Variants in THOC1 observed in about 807,000 individuals in gnomAD.
THOC1 encodes the protein THO complex 1.
In THOC1, 29 loss-of-function variants were observed where a neutral mutation model predicts 97.3. The observed-to-expected ratio is 0.30, with a 90% CI of 0.22 to 0.41. THOC1 has a LOEUF of 0.41. THOC1 is among the 10% of genes least tolerant of loss of function. The pLI is 1.00. For synonymous variants in THOC1, 255 were observed against 257.0 expected, an observed-to-expected ratio of 0.99 and a Z score of 0.07; for missense variants, 529 against 761.9, an observed-to-expected ratio of 0.69 and a Z score of 3.60.
intron 11 of THOC1, among the ~76,000 whole-genome samples, chr18:240,511 G>A (rs375237401): frequency 3.3e-5 from 5 of 152,206 alleles, no homozygotes; most frequent in African/African-American, 1.2e-4. Context: ...TTTCCGCCCT[G>A]AAGACCATTA....
chr18:236,408 T>C (rs1054658349), intron 11 of THOC1, among the ~76,000 whole-genome samples: 4 of 136,554 alleles, frequency 2.9e-5, no homozygotes, highest in African/African-American at 8.3e-5. Context: ...CAGGCGGGAG[T>C]GCAGTGGCGC....
chr18:227,224 T>G (rs576839828), intron 11 of THOC1, among the ~76,000 whole-genome samples: 2 of 152,246 alleles, frequency 1.3e-5, no homozygotes, highest in South Asian at 4.1e-4. Context: ...AAGCCTATTA[T>G]AGTCCCAGCT....
In THOC1 at chr18:246,384, C is replaced by T. The variant is rs140658412; in HGVS notation, c.858G>A (p.Met286Ile). The T allele has an allele frequency of 1.9e-6, 3 of 1,603,834 alleles. No individual in the cohort carries two copies. The highest frequency in any genetic ancestry group is 2.6e-6 in the Non-Finnish European group (3 of 1,172,310). ...GTTCTCCTCCTGTTTTCAATTCTTC[C>T]ATCTTTTTTCTTGAGGCCTGAGTAT... ...LDDTQASRKK[M>I]EELKTGGEHV... is the part of the protein sequence containing the mutation. Residue 286 changes from methionine (M) to isoleucine (I), a missense_variant, in exon 11 of 21, where the codon ATG (methionine) becomes ATA (isoleucine). Physicochemically the swap from Met to Ile is conservative, Grantham distance 10. Coordinates refer to ENST00000261600, the MANE Select transcript of THOC1 (RefSeq NM_005131.3).
rs533590735 is a variant in THOC1 at position 227,220 on chromosome 18, A to C, written c.919-319T>G. On this transcript the variant is annotated intron_variant, in intron 11 of 20. Coordinates refer to ENST00000261600, the MANE Select transcript of THOC1 (RefSeq NM_005131.3). ...AGCTGGGCATGGTGGCACAAAGCCT[A>C]TTATAGTCCCAGCTACTCAGGAAGC... 1.0e-3 allele frequency among the ~76,000 whole-genome samples: 153 copies of C among 152,286 alleles called. 1 individual carries two copies. The highest frequency in any genetic ancestry group is 2.5e-3 in the South Asian group (12 of 4,824).
At chr18:243,590 G>T (rs921863053) in intron 11 of THOC1, among the ~76,000 whole-genome samples, 9 of 151,852 alleles carry the variant, frequency 5.9e-5, no homozygotes, top group Non-Finnish European at 8.8e-5. Flanking sequence ...TTTTGAAATA[G>T]CTGTCATGTC....
intron 8 of THOC1, among the ~76,000 whole-genome samples, chr18:253,129 G>A (rs544997430): frequency 8.5e-5 from 13 of 152,296 alleles, no homozygotes; most frequent in African/African-American, 3.1e-4. Context: ...GTTGGGGTGA[G>A]GCTGTGGGGA....
chr18:215,860 T>C (rs1389037563), intron 19 of THOC1: 4 of 224,242 alleles, frequency 1.8e-5, no homozygotes, highest in Non-Finnish European at 3.5e-5. Context: ...CTGATTCTTA[T>C]CTTTTATCTT....
rs559936385 is a variant in THOC1 at position 247,805 on chromosome 18, C to T, written c.786+44G>A. 13 of 1,190,674 alleles carry T rather than the reference C, an allele frequency of 1.1e-5. No individual in the cohort carries two copies. In the African/African-American group the frequency reaches 2.0e-4, roughly 18 times the overall value. The allele number at this position is 1,190,674 out of a possible 1,614,324, so 73.8% of individuals were successfully genotyped here. A position where few individuals can be genotyped will look rare whatever the true frequency, so the allele number is the denominator to read the frequency against. On this transcript the variant is annotated intron_variant, in intron 10 of 20. Transcript: ENST00000261600. ...GATTAAGTTTTAGCTCTATCACTGTCTATAAAATACTGGGCTTCTGATAGT... is the reference window on the plus strand; with the variant it reads ...GATTAAGTTTTAGCTCTATCACTGTTTATAAAATACTGGGCTTCTGATAGT...
rs1358552548 is a variant in THOC1 at position 254,576 on chromosome 18, A to T, written c.521-221T>A. 6.6e-6 allele frequency among the ~76,000 whole-genome samples: 1 copy of T among 152,198 alleles called. No individual in the cohort carries two copies. The highest frequency in any genetic ancestry group is 1.5e-5 in the Non-Finnish European group (1 of 68,032). On this transcript the variant is annotated intron_variant, in intron 7 of 20. Coordinates refer to ENST00000261600, the MANE Select transcript of THOC1 (RefSeq NM_005131.3). This position sits in a 1 kb window ranked among gnomAD's most constrained non-coding sequence, Gnocchi z 4.1. The stretch of plus-strand genomic sequence containing the variant: ...GTTCTTCACAGTTTCTTGTTTTTTT[A>T]AATAAATTGAATGGCAACCCTGCAT...
At chr18:257,111 G>A (rs1912461637) in intron 7 of THOC1, among the ~76,000 whole-genome samples, 1 of 152,090 alleles carries the variant, frequency 6.6e-6, no homozygotes, top group South Asian at 2.1e-4. Flanking sequence ...TACGCACTGG[G>A]AAACCAAAAA....
chr18:218,823 A>T, intron 18 of THOC1, 63 bp downstream of exon 18: 1 of 1,399,398 alleles, frequency 7.1e-7, no homozygotes, highest in Non-Finnish European at 9.9e-7. Flanking sequence ...TAGTATACAC[A>T]CAATTCCTAA....
intron 11 of THOC1, 28 bp from the exon 12 acceptor site, chr18:226,929 G>A (rs747604635): frequency 8.5e-6 from 13 of 1,532,718 alleles, no homozygotes; most frequent in Admixed American, 3.7e-5. Flanking sequence ...AAACACATAC[G>A]AAAACAACAC....
At chr18:255,882 C>T (rs1412607365) in intron 7 of THOC1, among the ~76,000 whole-genome samples, 1 of 152,178 alleles carries the variant, frequency 6.6e-6, no homozygotes, top group East Asian at 1.9e-4. Flanking sequence ...GAGAATTATG[C>T]TAAATCTACT....
intron 9 of THOC1, among the ~76,000 whole-genome samples, chr18:251,336 A>G (rs147438772): frequency 6.6e-6 from 1 of 152,334 alleles, no homozygotes; most frequent in East Asian, 1.9e-4. Flanking sequence ...CCCTGGGCAG[A>G]TACAGGAATC....
At chr18:231,103 T>G (rs139930780) in intron 11 of THOC1, among the ~76,000 whole-genome samples, 2 of 152,280 alleles carry the variant, frequency 1.3e-5, no homozygotes, top group Non-Finnish European at 2.9e-5. Context: ...GCTTTTATTA[T>G]CCTTAGCTGT....
intron 16 of THOC1, 123 bp from the exon 17 acceptor site, chr18:223,628 T>C: frequency 1.4e-6 from 1 of 711,702 alleles, no homozygotes; most frequent in South Asian, 2.2e-5. Context: ...GTATGAGTTT[T>C]ACTTTTCTCA....
At chr18:238,928 C>G (rs1350996455) in intron 11 of THOC1, among the ~76,000 whole-genome samples, 1 of 152,002 alleles carries the variant, frequency 6.6e-6, no homozygotes, top group Non-Finnish European at 1.5e-5. Flanking sequence ...TTGATTAAAC[C>G]ACAAGGTAGA....
rs985240466 is a variant in THOC1, at chr18:254,019, T to C, written c.603+254A>G. ...TGACCTCCCTGGGCTGAGGCGATTC[T>C]CCCACCTCAGCCTCTCGAGTAGCTG... On this transcript the variant is annotated intron_variant, in intron 8 of 20. Coordinates refer to ENST00000261600, the MANE Select transcript of THOC1 (RefSeq NM_005131.3). This position sits in a 1 kb window ranked among gnomAD's most constrained non-coding sequence, Gnocchi z 4.1. Among the ~76,000 whole-genome samples the C allele has an allele frequency of 6.6e-6, 1 of 151,258 alleles. No homozygotes were observed. Among genetic ancestry groups the C allele is most frequent in the African/African-American group, 2.4e-5 (1 of 41,148 alleles).
In THOC1 at chr18:268,004, G is replaced by A; in HGVS notation, c.16C>T (p.Pro6Ser). The A allele has an allele frequency of 1.2e-6, 2 of 1,608,736 alleles. No homozygotes were observed. Among genetic ancestry groups the A allele is most frequent in the Non-Finnish European group, 1.7e-6 (2 of 1,177,958 alleles). The change falls in exon 1 of 21, where the codon CCG becomes TCG. Residue 6 changes from proline (P) to serine (S), a missense_variant. Transcript: ENST00000261600. ...CGCGCTTCGGGCAAACTGAAGAGCG[G>A]CGGCGTCGGAGACATCTTCTCGGCT... Reference protein sequence around the residue: MSPTPPLFSLPEARTR... With the variant: MSPTPSLFSLPEARTR...
Sources: allele counts gnomAD v4.1 joint callset (sites outside exome capture counted in the v4.1 genomes callset), GRCh38; gene constraint gnomAD v4.1.1; non-coding constraint Gnocchi (gnomAD v3.1); transcripts MANE v1.5; gene names NCBI Gene and HGNC (gene_info 2026-07-23, HGNC 2026-07-21).